The following GRM7 variants were observed in gnomAD, a reference collection of about 807,000 sequenced individuals.
The protein encoded by GRM7 is glutamate metabotropic receptor 7, also known as metabotropic glutamate receptor 7.
In GRM7, 35 loss-of-function variants were observed where a neutral mutation model predicts 84.5. That is an observed-to-expected ratio of 0.41 (90% confidence interval 0.32 to 0.55). The LOEUF is 0.55. Ranked by LOEUF, GRM7 falls within the 20% of genes least tolerant of loss-of-function variation. The probability of loss-of-function intolerance (pLI) is 0.19; values close to 1 mark genes in which losing one functional copy is unlikely to be tolerated. For missense variants in GRM7, 1,003 were observed against 1,194.6 expected (o/e 0.84, Z 2.36); for synonymous variants, 487 against 455.1 (o/e 1.07, Z -0.89).
At position 7,566,103 on chromosome 3, in the gene GRM7, GTTT is replaced by G. The variant is rs58178956; in HGVS notation, c.1516-12292_1516-12290del. On this transcript the variant is annotated intron_variant, in intron 7 of 9. Coordinates refer to ENST00000357716, the MANE Select transcript of GRM7 (RefSeq NM_000844.4). ...TGTTTTCTTTGGCTCTGAATCAGCT[GTTT>G]TTTTTTTTTTTTTTTTTTTTTTTTT... 7.9e-3 allele frequency among the ~76,000 whole-genome samples: 1,012 copies of G among 128,818 alleles called. 2 individuals are homozygous for G. Among genetic ancestry groups the G allele is most frequent in the African/African-American group, 0.025 (818 of 32,462 alleles). 84.5% of individuals were successfully genotyped at this position (128,818 alleles called of 152,430 possible). A position where few individuals can be genotyped will look rare whatever the true frequency, so the allele number is the denominator to read the frequency against.
intron 4 of GRM7, among the ~76,000 whole-genome samples, chr3:7,384,434 C>T (rs1484250360): frequency 1.3e-5 from 2 of 152,040 alleles, no homozygotes; most frequent in Admixed American, 6.6e-5. Flanking sequence ...GAAGTTTGTG[C>T]CAATGCTGTC....
intron 8 of GRM7, among the ~76,000 whole-genome samples, chr3:7,606,658 T>C (rs569384503): frequency 6.6e-6 from 1 of 152,154 alleles, no homozygotes; most frequent in Admixed American, 6.5e-5. Flanking sequence ...CTCAGCCTCC[T>C]GAGTAGCTGG....
chr3:7,478,597 T>A (rs962009601), intron 7 of GRM7, among the ~76,000 whole-genome samples: 8 of 152,138 alleles, frequency 5.3e-5, no homozygotes, highest in Non-Finnish European at 8.8e-5. Context: ...CAGCTCTTGA[T>A]GAAATAGGGT....
intron 1 of GRM7, among the ~76,000 whole-genome samples, chr3:6,890,083 C>A (rs1045059288): frequency 6.6e-6 from 1 of 152,054 alleles, no homozygotes; most frequent in Non-Finnish European, 1.5e-5. Flanking sequence ...GTGATATCCC[C>A]TTTATCATTT....
rs1377678087 is a variant in GRM7 at position 6,941,700 on chromosome 3, G to A, written c.519+79793G>A. Among the ~76,000 whole-genome samples, 3 of 152,260 alleles carry A rather than the reference G, an allele frequency of 2.0e-5. No individual in the cohort carries two copies. The East Asian group carries it at 5.8e-4, about 29-fold the overall frequency. On this transcript the variant is annotated intron_variant, in intron 1 of 9. Coordinates refer to ENST00000357716, the MANE Select transcript of GRM7 (RefSeq NM_000844.4). ...TGTAGAAATAATAGTTTTATTCTTT[G>A]TATATTTCAGTCTCTTCATTCATTC... is the stretch of plus-strand genomic sequence containing the variant.
intron 1 of GRM7, among the ~76,000 whole-genome samples, chr3:7,103,762 CTT>C (rs761486526): frequency 1.8e-4 from 12 of 65,472 alleles, no homozygotes; most frequent in East Asian, 7.3e-4. Flanking sequence ...TTCTTTCTTT[CTT>C]TCTTTCTTTC....
At chr3:7,168,866 G>A (rs1694892376) in intron 2 of GRM7, among the ~76,000 whole-genome samples, 1 of 151,892 alleles carries the variant, frequency 6.6e-6, no homozygotes, top group South Asian at 2.1e-4. Context: ...ACCATATAGA[G>A]GATAAATCTC....
intron 1 of GRM7, among the ~76,000 whole-genome samples, chr3:7,027,237 C>T (rs1394638269): frequency 1.3e-5 from 2 of 152,128 alleles, no homozygotes; most frequent in African/African-American, 2.4e-5. Flanking sequence ...AAACTGCTGG[C>T]TCACAGAATA....
chr3:7,438,758 G>A (rs1055168593), intron 5 of GRM7, among the ~76,000 whole-genome samples: 5 of 152,178 alleles, frequency 3.3e-5, no homozygotes, highest in African/African-American at 1.2e-4. Flanking sequence ...AGGTAAGAGA[G>A]CTCTGTATTT....
rs1246446752 is a variant in GRM7, at chr3:7,522,881, G to T, written c.1516-55541G>T. Among the ~76,000 whole-genome samples, 2 of 146,624 alleles carry T rather than the reference G, an allele frequency of 1.4e-5. 1 individual carries two copies. The highest frequency in any genetic ancestry group is 4.1e-4 in the East Asian group (2 of 4,858). On this transcript the variant is annotated intron_variant, in intron 7 of 9. Transcript: ENST00000357716. Reference sequence around the variant, plus strand: ...AAGCTGTGCCCCTTATGATGGGATTGGTACTCTTCAAGGAAACAAGAGAGA... The same window carrying T: ...AAGCTGTGCCCCTTATGATGGGATTTGTACTCTTCAAGGAAACAAGAGAGA...
At chr3:7,495,035 T>C (rs1272020596) in intron 7 of GRM7, among the ~76,000 whole-genome samples, 1 of 152,208 alleles carries the variant, frequency 6.6e-6, no homozygotes, top group Non-Finnish European at 1.5e-5. Context: ...ATTTTATTTA[T>C]TGTGTTAGGA....
At position 7,579,066 on chromosome 3, in the gene GRM7, G is replaced by A. The variant is rs2125053108; in HGVS notation, c.2160G>A (p.Trp720Ter). The A allele has an allele frequency of 6.2e-7, 1 of 1,614,054 alleles. No homozygotes were observed. Among genetic ancestry groups the A allele is most frequent in the South Asian group, 1.1e-5 (1 of 91,070 alleles). The change falls in exon 8 of 10, where the codon TGG (tryptophan) becomes TGA (stop). Residue 720 changes from tryptophan to a stop codon, truncating the protein, a stop_gained. Coordinates refer to ENST00000357716, the MANE Select transcript of GRM7 (RefSeq NM_000844.4). LOFTEE classifies it high-confidence loss of function. ...TTCAGCTTCTAGGGGTGTTCATTTGGTTTGGTGTTGATCCACCCAACATCA... is the reference window on the plus strand; with the variant it reads ...TTCAGCTTCTAGGGGTGTTCATTTGATTTGGTGTTGATCCACCCAACATCA... ...ISVQLLGVFI[W>*]FGVDPPNIII...
At chr3:7,030,322 A>T (rs1205937117) in intron 1 of GRM7, among the ~76,000 whole-genome samples, 1 of 152,190 alleles carries the variant, frequency 6.6e-6, no homozygotes, top group Admixed American at 6.6e-5. Context: ...GGAAATGATG[A>T]CATAAGACAT....
intron 7 of GRM7, chr3:7,559,100 G>C (rs1190566428): frequency 6.7e-6 from 1 of 149,632 alleles, no homozygotes; most frequent in Non-Finnish European, 1.5e-5. Flanking sequence ...ATTGGAGAGT[G>C]CATTTCAACA....
At chr3:7,084,062 T>A (rs1309651762) in intron 1 of GRM7, among the ~76,000 whole-genome samples, 1 of 152,120 alleles carries the variant, frequency 6.6e-6, no homozygotes, top group African/African-American at 2.4e-5. Flanking sequence ...CTGGGTAAGA[T>A]GGGAACCGTA....
At chr3:6,898,226 A>G (rs978910374) in intron 1 of GRM7, among the ~76,000 whole-genome samples, 2 of 152,150 alleles carry the variant, frequency 1.3e-5, no homozygotes, top group Admixed American at 1.3e-4. Flanking sequence ...AAACAGAGAG[A>G]GACAAGTAGT....
intron 8 of GRM7, among the ~76,000 whole-genome samples, chr3:7,588,417 C>T (rs73809434): frequency 7.2e-5 from 11 of 152,242 alleles, no homozygotes; most frequent in South Asian, 4.2e-4. Context: ...CGGCTCTGTT[C>T]GCCTGGCTGG....
At chr3:7,033,513 T>C (rs1696265819) in intron 1 of GRM7, among the ~76,000 whole-genome samples, 1 of 152,228 alleles carries the variant, frequency 6.6e-6, no homozygotes, top group South Asian at 2.1e-4. Flanking sequence ...CTTCTTCTCA[T>C]GCTCAACATA....
intron 1 of GRM7, among the ~76,000 whole-genome samples, chr3:6,979,410 A>C (rs890884007): frequency 2.0e-5 from 3 of 152,182 alleles, no homozygotes; most frequent in Non-Finnish European, 4.4e-5. Flanking sequence ...ACTTAGAAAC[A>C]AACATACCCA....
Sources: gnomAD v4.1 joint callset for allele counts (sites outside exome capture counted in the v4.1 genomes callset) on GRCh38, gnomAD v4.1.1 for gene constraint, MANE v1.5 for transcripts, NCBI Gene and HGNC (gene_info 2026-07-23, HGNC 2026-07-21) for gene names.